Variants in TULP4 observed in about 807,000 individuals in gnomAD.
TULP4 encodes tubby-related protein 4.
TULP4 carries 16 observed loss-of-function variants against 129.0 expected under a neutral mutation model. The ratio of observed to expected loss-of-function variants is 0.12; its 90% CI spans 0.08 to 0.19. TULP4 has a LOEUF of 0.19. Ranked by LOEUF, TULP4 falls within the 10% of genes least tolerant of loss-of-function variation. TULP4 has a pLI of 1.00. For missense variants in TULP4, 1,842 were observed against 2,059.1 expected, an observed-to-expected ratio of 0.89 and a Z score of 2.04; for synonymous variants, 998 against 854.0, an observed-to-expected ratio of 1.17 and a Z score of -2.94.
In TULP4 at chr6:158,452,995, C is replaced by A. The variant is rs567634196; in HGVS notation, c.859+727C>A. ...AAGGTTTTAAAATTCAATACCTGGG[C>A]TGCCTCTGACCCTTGATGTTTAAGG... On this transcript the variant is annotated intron_variant, in intron 5 of 13. Coordinates refer to ENST00000367097, the MANE Select transcript of TULP4 (RefSeq NM_020245.5). Among the ~76,000 whole-genome samples, 6 of 152,274 alleles carry A rather than the reference C, an allele frequency of 3.9e-5. No individual in the cohort carries two copies. In the South Asian group the frequency reaches 1.0e-3, roughly 26 times the overall value.
upstream of TULP4, among the ~76,000 whole-genome samples, chr6:158,311,318 C>T (rs1165831034): frequency 6.6e-6 from 1 of 152,090 alleles, no homozygotes; most frequent in Non-Finnish European, 1.5e-5. Flanking sequence ...AGAGAGTCTG[C>T]TGAATTTGAG....
chr6:158,304,673 A>ATTT (rs11388128), intron 1 of TULP4, among the ~76,000 whole-genome samples: 1 of 147,984 alleles, frequency 6.8e-6, no homozygotes, highest in Non-Finnish European at 1.5e-5. Context: ...ATTTTACCTT[A>ATTT]TTTTTTTTTT....
chr6:158,301,675 G>T (rs999351434), intron 1 of TULP4, among the ~76,000 whole-genome samples: 5 of 152,180 alleles, frequency 3.3e-5, no homozygotes, highest in African/African-American at 1.2e-4. Flanking sequence ...AGCCCAGTAG[G>T]GGAGTGCAAT....
chr6:158,326,022 TCTC>T (rs1779739396), intron 1 of TULP4, among the ~76,000 whole-genome samples: 1 of 152,110 alleles, frequency 6.6e-6, no homozygotes. Context: ...TTAGCACTCT[TCTC>T]TTTCTTTCAT....
rs140858364 is a variant in TULP4 at position 158,354,460 on chromosome 6, T to A, written c.252+40192T>A. Among the ~76,000 whole-genome samples, 100 of 152,330 alleles carry A rather than the reference T, an allele frequency of 6.6e-4. 1 individual carries two copies. The highest frequency in any genetic ancestry group is 2.1e-3 in the African/African-American group (86 of 41,562). ...GTCGACTGGTGTCACCAAGAACAAA[T>A]GCAAACATCTGTCTTCTTGTAGATG... On this transcript the variant is annotated intron_variant, in intron 1 of 13. Coordinates refer to ENST00000367097, the MANE Select transcript of TULP4 (RefSeq NM_020245.5).
intron 1 of TULP4, among the ~76,000 whole-genome samples, chr6:158,243,022 C>T (rs531260768): frequency 1.3e-5 from 2 of 152,198 alleles, no homozygotes; most frequent in African/African-American, 4.8e-5. Flanking sequence ...CTCCTGACTT[C>T]GTGATCCGCC....
chr6:158,293,233 G>T (rs572615907), intron 1 of TULP4, among the ~76,000 whole-genome samples: 42 of 152,322 alleles, frequency 2.8e-4, no homozygotes, highest in African/African-American at 9.6e-4. Context: ...GTGATTCTCT[G>T]AACTTGGCAG....
intron 1 of TULP4, chr6:158,232,369 T>G (rs1777612371): frequency 6.9e-6 from 1 of 144,828 alleles, no homozygotes; most frequent in African/African-American, 2.5e-5. Flanking sequence ...GGCCCGAGCG[T>G]CGTCCCTGCC....
At chr6:158,431,995 G>A (rs560819700) in intron 3 of TULP4, among the ~76,000 whole-genome samples, 1 of 151,368 alleles carries the variant, frequency 6.6e-6, no homozygotes, top group African/African-American at 2.4e-5. Flanking sequence ...TTGCAGCAGG[G>A]TGCCTGTTGT....
chr6:158,502,664 C>G lies in TULP4; in HGVS notation c.3001C>G (p.Leu1001Val), dbSNP rs1780486037. 1 of 1,565,632 alleles carries G rather than the reference C, an allele frequency of 6.4e-7. No homozygotes were observed. The highest frequency in any genetic ancestry group is 1.2e-5 in the South Asian group (1 of 86,082). ...NREATLKMAQLADSPRAPLQP... is the reference protein window; with the variant it reads ...NREATLKMAQVADSPRAPLQP... Reference sequence around the variant, plus strand: ...TGAGGCTACGCTCAAGATGGCCCAGCTGGCCGACAGCCCGCGGGCCCCCCT... The same window carrying G: ...TGAGGCTACGCTCAAGATGGCCCAGGTGGCCGACAGCCCGCGGGCCCCCCT... The change falls in exon 13 of 14, where the codon CTG (leucine) becomes GTG (valine). Residue 1001 changes from leucine (L) to valine (V), a missense_variant. By Grantham distance (32) the Leu-to-Val change is conservative. Around this residue, in one of 5 missense-constraint regions of TULP4, gnomAD observed 1,089 missense variants for 987.1 expected, o/e 1.10. Transcript: ENST00000367097.
Position 158,392,794 on chromosome 6 carries a change from CTTTTTTTT to C in TULP4, c.253-20253_253-20246del, listed in dbSNP as rs773565295. Among the ~76,000 whole-genome samples, 96 of 54,650 alleles carry C rather than the reference CTTTTTTTT, an allele frequency of 1.8e-3. 2 individuals carry two copies. The highest frequency in any genetic ancestry group is 2.7e-3 in the Admixed American group (9 of 3,346). 35.9% of individuals were successfully genotyped at this position (54,650 alleles called of 152,430 possible). A position where few individuals can be genotyped will look rare whatever the true frequency, so the allele number is the denominator to read the frequency against. ...GTACCTATTGTTTAAATTTGTATTT[CTTTTTTTT>C]TTTTTTTTTTTTTTTTTGAGATGGA... On this transcript the variant is annotated intron_variant, in intron 1 of 13. Transcript: ENST00000367097.
chr6:158,493,068 G>A lies in TULP4; in HGVS notation c.1632-505G>A, dbSNP rs1313348047. On this transcript the variant is annotated intron_variant, in intron 9 of 13. Coordinates refer to ENST00000367097, the MANE Select transcript of TULP4 (RefSeq NM_020245.5). The surrounding 1 kb of genome is among the most constrained non-coding windows in gnomAD (Gnocchi z 4.4). Reference sequence around the variant, plus strand: ...ACCTGCCATTTTCCCAGGACTGATTGTGCAGGCCCCTGGCAGAAGGCCATT... The same window carrying A: ...ACCTGCCATTTTCCCAGGACTGATTATGCAGGCCCCTGGCAGAAGGCCATT... 6.6e-6 allele frequency among the ~76,000 whole-genome samples: 1 copy of A among 152,238 alleles called. No homozygotes were observed. Among genetic ancestry groups the A allele is most frequent in the Non-Finnish European group, 1.5e-5 (1 of 68,040 alleles).
chr6:158,266,627 C>A (rs769659663), intron 1 of TULP4, among the ~76,000 whole-genome samples: 9 of 151,858 alleles, frequency 5.9e-5, no homozygotes, highest in Non-Finnish European at 1.3e-4. Flanking sequence ...CATGTGAGGA[C>A]TGAAAACGTT....
At chr6:158,435,259 C>A (rs536800094) in intron 3 of TULP4, among the ~76,000 whole-genome samples, 3 of 152,312 alleles carry the variant, frequency 2.0e-5, no homozygotes, top group South Asian at 2.1e-4. Context: ...TTGTGTATGT[C>A]TTCCAGGCAT....
chr6:158,452,678 C>T (rs1217858410), intron 5 of TULP4, among the ~76,000 whole-genome samples: 2 of 152,228 alleles, frequency 1.3e-5, no homozygotes, highest in Admixed American at 1.3e-4. Context: ...AAGAATCTGA[C>T]AGTCTTATTA....
At chr6:158,339,406 T>C (rs530049115) in intron 1 of TULP4, among the ~76,000 whole-genome samples, 3 of 152,236 alleles carry the variant, frequency 2.0e-5, no homozygotes, top group African/African-American at 2.4e-5. Context: ...TGTGCACACA[T>C]TGTCAGCGTT....
At chr6:158,351,517 GT>G in intron 1 of TULP4, among the ~76,000 whole-genome samples, 1 of 152,164 alleles carries the variant, frequency 6.6e-6, no homozygotes, top group East Asian at 1.9e-4. Flanking sequence ...TACATACTGT[GT>G]TCTTAAGATA....
At chr6:158,360,435 A>T (rs1214076011) in intron 1 of TULP4, among the ~76,000 whole-genome samples, 2 of 152,132 alleles carry the variant, frequency 1.3e-5, no homozygotes, top group African/African-American at 2.4e-5. Flanking sequence ...CTGTATTCTT[A>T]TATGTCATAT....
At chr6:158,462,287 T>C (rs573198172) in intron 6 of TULP4, among the ~76,000 whole-genome samples, 1 of 146,048 alleles carries the variant, frequency 6.8e-6, no homozygotes, top group South Asian at 2.1e-4. Context: ...TGTCTTTTCT[T>C]TTTTTTTTAA....
Sources: allele counts gnomAD v4.1 joint callset (sites outside exome capture counted in the v4.1 genomes callset), GRCh38; gene constraint gnomAD v4.1.1; regional missense constraint gnomAD v4.1.1; non-coding constraint Gnocchi (gnomAD v3.1); transcripts MANE v1.5; gene names NCBI Gene and HGNC (gene_info 2026-07-23, HGNC 2026-07-21).